CSK: variants seen among roughly 807,000 people sequenced by gnomAD.
The protein encoded by CSK is C-terminal Src kinase, also known as tyrosine-protein kinase CSK.
Under a neutral mutation model 62.3 loss-of-function variants are expected in CSK, and 7 were observed. That is an observed-to-expected ratio of 0.11 (90% CI 0.06 to 0.21). CSK has a LOEUF of 0.21. Among genes scored for constraint, CSK ranks in the 10% least tolerant of loss-of-function variants. CSK has a pLI of 1.00. For synonymous variants in CSK, 237 were observed against 246.0 expected (o/e 0.96, Z 0.34); for missense variants, 294 against 613.5 (o/e 0.48, Z 5.50).
At position 74,802,931 on chromosome 15, in the gene CSK, C is replaced by T. The variant is rs532446408; in HGVS notation, c.*418C>T. 6 of 186,230 alleles carry T rather than the reference C, an allele frequency of 3.2e-5. No individual in the cohort carries two copies. Among genetic ancestry groups the T allele is most frequent in the Admixed American group, 6.5e-5 (1 of 15,494 alleles). 11.5% of individuals were successfully genotyped at this position (186,230 alleles called of 1,614,324 possible). On this transcript the variant is annotated 3_prime_UTR_variant, in exon 13 of 13. Transcript: ENST00000220003. ...CGAATCTTATTTTTCCTGTCCTGCC[C>T]GTGAGGGTGGGGGGGACCGGGCCCC...
intron 1 of CSK, among the ~76,000 whole-genome samples, chr15:74,795,858 ATT>A (rs1244854067): frequency 6.6e-6 from 1 of 152,226 alleles, no homozygotes; most frequent in African/African-American, 2.4e-5. Context: ...ATTGACACTC[ATT>A]TTGTTTGTTA....
chr15:74,783,659 T>C (rs2063472434), intron 1 of CSK, among the ~76,000 whole-genome samples: 1 of 152,208 alleles, frequency 6.6e-6, no homozygotes, highest in Non-Finnish European at 1.5e-5. Context: ...GTTGAGCACG[T>C]GCTTCCCTGC....
Position 74,786,000 on chromosome 15 carries a change from C to CTTTTTTTTTTTTTTTTTT in CSK, c.-66+3281_-66+3282insTTTTTTTTTTTTTTTTTT, listed in dbSNP as rs1232728038. On this transcript the variant is annotated intron_variant, in intron 1 of 12. Transcript: ENST00000220003. ...CAAGGCCTCTTCTCTCTCTCTCTCT[C>CTTTTTTTTTTTTTTTTTT]TCTTTTTTTTTTTTGTGTGTGTGTG... 9.3e-3 allele frequency among the ~76,000 whole-genome samples: 558 copies of CTTTTTTTTTTTTTTTTTT among 59,876 alleles called. 150 individuals are homozygous for CTTTTTTTTTTTTTTTTTT. The highest frequency in any genetic ancestry group is 0.015 in the Non-Finnish European group (413 of 27,436). The allele number at this position is 59,876 out of a possible 152,430, so 39.3% of individuals were successfully genotyped here. A position where few individuals can be genotyped will look rare whatever the true frequency, so the allele number is the denominator to read the frequency against.
At chr15:74,796,339 G>C (rs1353170508) in intron 1 of CSK, among the ~76,000 whole-genome samples, 1 of 152,164 alleles carries the variant, frequency 6.6e-6, no homozygotes, top group African/African-American at 2.4e-5. Context: ...AGGAGGAAGA[G>C]GAAGAGTTGG....
intron 1 of CSK, among the ~76,000 whole-genome samples, chr15:74,785,173 C>T (rs1325842620): frequency 6.6e-6 from 1 of 152,224 alleles, no homozygotes; most frequent in Non-Finnish European, 1.5e-5. Flanking sequence ...TTTTCCCCAT[C>T]CTTTTCCTTC....
chr15:74,798,554 C>A lies in CSK; in HGVS notation c.16-61C>A. On this transcript the variant is annotated intron_variant, in intron 2 of 12. Transcript: ENST00000220003. The surrounding 1 kb of genome is among the most constrained non-coding windows in gnomAD (Gnocchi z 6.6). ...CTCAGAGGCTGTGACCACGAGGGTG[C>A]GCCAGCAGGTGGCTGGAGGGGGCCC... 6.8e-7 allele frequency: 1 copy of A among 1,476,122 alleles called. No individual in the cohort carries two copies. The highest frequency in any genetic ancestry group is 9.4e-7 in the Non-Finnish European group (1 of 1,062,866). 91.4% of individuals were successfully genotyped at this position (1,476,122 alleles called of 1,614,324 possible).
At chr15:74,786,013 T>TGTGTGTG (rs1555464576) in intron 1 of CSK, among the ~76,000 whole-genome samples, 1 of 47,840 alleles carries the variant, frequency 2.1e-5, no homozygotes, top group African/African-American at 6.7e-5. Context: ...TTTTTTTTTT[T>TGTGTGTG]TGTGTGTGTG....
rs1281499568 is a variant in CSK at position 74,800,938 on chromosome 15, G to A, written c.722+16G>A. 1.1e-5 allele frequency: 17 copies of A among 1,612,886 alleles called. No homozygotes were observed. The Middle Eastern group carries it at 1.2e-3, about 110-fold the overall frequency. ...CAGTCATGACGTGAGTGGGGGCGGGGTAGGGGGGAGGTTGGCCTAGGTTAG... is the reference window on the plus strand; with the variant it reads ...CAGTCATGACGTGAGTGGGGGCGGGATAGGGGGGAGGTTGGCCTAGGTTAG... On this transcript the variant is annotated intron_variant, in intron 8 of 12. Transcript: ENST00000220003.
At chr15:74,800,560 T>C in intron 6 of CSK, 55 bp downstream of exon 6, 1 of 1,576,288 alleles carries the variant, frequency 6.3e-7, no homozygotes, top group Non-Finnish European at 8.6e-7. Context: ...CACGCAGGCT[T>C]CCTGGCACTG....
chr15:74,799,194 A>C (rs896020090), intron 4 of CSK, 78 bp from the exon 5 acceptor site: 1 of 1,450,494 alleles, frequency 6.9e-7, no homozygotes, highest in Non-Finnish European at 9.4e-7. Context: ...GGTGCCAAGC[A>C]GAGGGAACCC....
Position 74,798,434 on chromosome 15 carries a change from A to T in CSK, c.15+122A>T, listed in dbSNP as rs1349648784. The T allele has an allele frequency of 4.1e-5, 56 of 1,378,454 alleles. No individual in the cohort carries two copies. Among genetic ancestry groups the T allele is most frequent in the Non-Finnish European group, 5.4e-5 (53 of 989,734 alleles). The allele number at this position is 1,378,454 out of a possible 1,614,324, so 85.4% of individuals were successfully genotyped here. On this transcript the variant is annotated intron_variant, in intron 2 of 12. Transcript: ENST00000220003. This position sits in a 1 kb window ranked among gnomAD's most constrained non-coding sequence, Gnocchi z 6.6. ...CTCCCCTTTTTCCCAGCACTCAGTCAGGTACAGGCCTGGGGAAGTGGGGGA... is the reference window on the plus strand; with the variant it reads ...CTCCCCTTTTTCCCAGCACTCAGTCTGGTACAGGCCTGGGGAAGTGGGGGA...
At position 74,786,000 on chromosome 15, in the gene CSK, C is replaced by T. The variant is rs184311103; in HGVS notation, c.-66+3280C>T. On this transcript the variant is annotated intron_variant, in intron 1 of 12. Coordinates refer to ENST00000220003, the MANE Select transcript of CSK (RefSeq NM_004383.3). The stretch of plus-strand genomic sequence containing the variant: ...CAAGGCCTCTTCTCTCTCTCTCTCT[C>T]TCTTTTTTTTTTTTGTGTGTGTGTG... 2.2e-3 allele frequency among the ~76,000 whole-genome samples: 131 copies of T among 59,936 alleles called. 2 individuals carry two copies. The highest frequency in any genetic ancestry group is 9.4e-3 in the Middle Eastern group (1 of 106). 39.3% of individuals were successfully genotyped at this position (59,936 alleles called of 152,430 possible). A position where few individuals can be genotyped will look rare whatever the true frequency, so the allele number is the denominator to read the frequency against.
rs1596373343 is a variant in CSK, at chr15:74,800,995, C to T, written c.723-17C>T. On this transcript the variant is annotated splice_polypyrimidine_tract_variant and intron_variant, in intron 8 of 12. Coordinates refer to ENST00000220003, the MANE Select transcript of CSK (RefSeq NM_004383.3). ...GGCACCAGCTTCCCCTTTCTGACCA[C>T]TCTCGTCCTGCCCCAGGCAACTGCG... is the stretch of plus-strand genomic sequence containing the variant. 1.2e-6 allele frequency: 2 copies of T among 1,613,122 alleles called. No homozygotes were observed. The highest frequency in any genetic ancestry group is 2.2e-5 in the East Asian group (1 of 44,886).
rs201705144 is a variant in CSK, at chr15:74,800,400, C to A, written c.463-12C>A. 15 of 1,612,886 alleles carry A rather than the reference C, an allele frequency of 9.3e-6. No individual in the cohort carries two copies. The highest frequency in any genetic ancestry group is 6.7e-5 in the East Asian group (3 of 44,856). ...GGCTGTCTCTGAGCACCCTGCCCCC[C>A]ACACCCTGCAGCACTACACCTCAGA... On this transcript the variant is annotated splice_polypyrimidine_tract_variant and intron_variant, in intron 5 of 12. Coordinates refer to ENST00000220003, the MANE Select transcript of CSK (RefSeq NM_004383.3).
Position 74,801,086 on chromosome 15 carries a change from C to G in CSK, c.797C>G (p.Thr266Ser), listed in dbSNP as rs747080333. The G allele has an allele frequency of 6.2e-7, 1 of 1,613,314 alleles. No homozygotes were observed. The highest frequency in any genetic ancestry group is 1.1e-5 in the South Asian group (1 of 91,080). Residue 266 changes from threonine to serine, a missense_variant, in exon 9 of 13, where the codon ACT becomes AGT. Transcript: ENST00000220003. Reference sequence around the variant, plus strand: ...GAGAAGGGCGGGCTCTACATCGTCACTGAGTACATGGCCAAGGTGGGCACC... The same window carrying G: ...GAGAAGGGCGGGCTCTACATCGTCAGTGAGTACATGGCCAAGGTGGGCACC... ...VEEKGGLYIV[T>S]EYMAKGSLVD...
intron 1 of CSK, among the ~76,000 whole-genome samples, chr15:74,788,292 C>T (rs1356450413): frequency 1.3e-5 from 2 of 152,096 alleles, no homozygotes; most frequent in African/African-American, 4.8e-5. Context: ...AACAGCCAAG[C>T]TCTGGGCAGA....
chr15:74,802,527 C>A lies in CSK; in HGVS notation c.*14C>A, dbSNP rs768624859. ...CTGCACCTGTGACGGCTGGCCTCCGCCTGGGTCATGGGCCTGTGGGGACTG... is the reference window on the plus strand; with the variant it reads ...CTGCACCTGTGACGGCTGGCCTCCGACTGGGTCATGGGCCTGTGGGGACTG... On this transcript the variant is annotated 3_prime_UTR_variant, in exon 13 of 13. Coordinates refer to ENST00000220003, the MANE Select transcript of CSK (RefSeq NM_004383.3). The A allele has an allele frequency of 6.2e-7, 1 of 1,611,458 alleles. No individual in the cohort carries two copies. The highest frequency in any genetic ancestry group is 8.5e-7 in the Non-Finnish European group (1 of 1,179,502).
intron 5 of CSK, 107 bp from the exon 6 acceptor site, chr15:74,800,305 C>T: frequency 1.1e-6 from 1 of 943,314 alleles, no homozygotes; most frequent in Non-Finnish European, 1.7e-6. Context: ...TCAGTGACTC[C>T]AGGCTAGGCG....
intron 1 of CSK, among the ~76,000 whole-genome samples, chr15:74,797,756 C>G (rs867345649): frequency 1.3e-5 from 2 of 151,908 alleles, no homozygotes; most frequent in Non-Finnish European, 1.5e-5. Context: ...GTCCTGTGTC[C>G]TCTCGGTGTG....
Sources: gnomAD v4.1 joint callset for allele counts (sites outside exome capture counted in the v4.1 genomes callset) on GRCh38, gnomAD v4.1.1 for gene constraint, Gnocchi (gnomAD v3.1) non-coding constraint, MANE v1.5 for transcripts, NCBI Gene and HGNC (gene_info 2026-07-23, HGNC 2026-07-21) for gene names.